The following GLI3 variants were observed in gnomAD, a reference collection of about 807,000 sequenced individuals.
GLI3 encodes transcription activator GLI3.
A neutral mutation model predicts 100.8 loss-of-function variants in GLI3; 20 were observed. The observed-to-expected ratio is 0.20, with a 90% CI of 0.14 to 0.29. The LOEUF is 0.29. Among genes scored for constraint, GLI3 ranks in the 10% least tolerant of loss-of-function variants. GLI3 has a pLI of 1.00. For missense variants in GLI3, 2,040 were observed against 2,128.5 expected (o/e 0.96, Z 0.82); for synonymous variants, 938 against 860.5 (o/e 1.09, Z -1.58).
intron 2 of GLI3, among the ~76,000 whole-genome samples, chr7:42,173,671 C>A (rs1787422535): frequency 6.6e-6 from 1 of 152,128 alleles, no homozygotes; most frequent in Admixed American, 6.5e-5. Context: ...CCTCTCATTC[C>A]CCCAAAGCAG....
At chr7:42,113,908 A>C (rs1032801316) in intron 3 of GLI3, among the ~76,000 whole-genome samples, 4 of 152,124 alleles carry the variant, frequency 2.6e-5, no homozygotes, top group Non-Finnish European at 5.9e-5. Flanking sequence ...TTTGATACAC[A>C]TGTCCACCTT....
chr7:42,139,092 A>C (rs536335632), intron 3 of GLI3, among the ~76,000 whole-genome samples: 1 of 152,270 alleles, frequency 6.6e-6, no homozygotes, highest in Non-Finnish European at 1.5e-5. Context: ...CTCCAACCTC[A>C]GCCTGGCCCT....
At chr7:42,070,759 G>C (rs925512092) in intron 4 of GLI3, among the ~76,000 whole-genome samples, 17 of 151,844 alleles carry the variant, frequency 1.1e-4, no homozygotes, top group African/African-American at 4.1e-4. Context: ...CTTTGATATT[G>C]CTATGGTCTT....
chr7:42,218,653 T>C (rs1300565916), intron 2 of GLI3, among the ~76,000 whole-genome samples: 2 of 152,164 alleles, frequency 1.3e-5, no homozygotes, highest in African/African-American at 2.4e-5. Flanking sequence ...AACCAAATTC[T>C]TGTTTTTGAA....
At chr7:42,141,045 T>A (rs1420300785) in intron 3 of GLI3, among the ~76,000 whole-genome samples, 2 of 152,124 alleles carry the variant, frequency 1.3e-5, no homozygotes, top group Non-Finnish European at 2.9e-5. Context: ...TTACATGGAA[T>A]CTTTAAGCAA....
chr7:41,993,607 T>C (rs1353276928), intron 10 of GLI3, among the ~76,000 whole-genome samples: 5 of 152,348 alleles, frequency 3.3e-5, no homozygotes, highest in South Asian at 4.1e-4. Flanking sequence ...ATCAGTTTTG[T>C]TCAATGATAT....
chr7:42,182,664 A>ACATGTGTGTG lies in GLI3; in HGVS notation c.125-34197_125-34196insCACACACATG, dbSNP rs1554337046. ...TGTGTGTATATATATATATATATAT[A>ACATGTGTGTG]TATATATATATATATATACACATGT... On this transcript the variant is annotated intron_variant, in intron 2 of 14. Transcript: ENST00000395925. Among the ~76,000 whole-genome samples the ACATGTGTGTG allele has an allele frequency of 2.4e-3, 186 of 78,318 alleles. 11 individuals are homozygous for ACATGTGTGTG. The highest frequency in any genetic ancestry group is 0.012 in the African/African-American group (186 of 15,590). The allele number at this position is 78,318 out of a possible 152,430, so 51.4% of individuals were successfully genotyped here.
chr7:42,246,406 C>T (rs1788972040), intron 1 of GLI3, among the ~76,000 whole-genome samples: 1 of 152,156 alleles, frequency 6.6e-6, no homozygotes, highest in Non-Finnish European at 1.5e-5. Flanking sequence ...TCCCAACATA[C>T]TCTGTATGCA....
At chr7:42,025,204 A>C (rs774808920) in intron 9 of GLI3, 60 bp downstream of exon 9, 3 of 1,111,692 alleles carry the variant, frequency 2.7e-6, no homozygotes, top group Admixed American at 3.4e-5. Context: ...GCGGGAGCTG[A>C]CCCAAAGACA....
At chr7:42,229,093 T>A (rs1788641864) in intron 1 of GLI3, among the ~76,000 whole-genome samples, 1 of 152,200 alleles carries the variant, frequency 6.6e-6, no homozygotes, top group South Asian at 2.1e-4. Flanking sequence ...AAAATGATGT[T>A]TGAAGTGAAT....
intron 4 of GLI3, among the ~76,000 whole-genome samples, chr7:42,053,654 G>A (rs547160556): frequency 6.4e-4 from 98 of 152,290 alleles, no homozygotes; most frequent in African/African-American, 2.2e-3. Context: ...GAGGATCACC[G>A]CTTTCGGTCT....
chr7:42,105,922 A>G, intron 3 of GLI3, among the ~76,000 whole-genome samples: 1 of 152,154 alleles, frequency 6.6e-6, no homozygotes, highest in East Asian at 1.9e-4. Flanking sequence ...CCGCTTATCC[A>G]AGGGGCCCAG....
chr7:41,999,928 A>C (rs1214099580), intron 10 of GLI3, among the ~76,000 whole-genome samples: 1 of 152,118 alleles, frequency 6.6e-6, no homozygotes, highest in Non-Finnish European at 1.5e-5. Context: ...ACTGAAAGCC[A>C]CACATCCAGA....
At chr7:42,077,329 G>A (rs1342982733) in intron 3 of GLI3, among the ~76,000 whole-genome samples, 1 of 151,236 alleles carries the variant, frequency 6.6e-6, no homozygotes, top group Non-Finnish European at 1.5e-5. Context: ...TGAAAGGCTT[G>A]CTAGAATCTG....
intron 3 of GLI3, among the ~76,000 whole-genome samples, chr7:42,119,188 G>T (rs1447280627): frequency 6.6e-6 from 1 of 152,196 alleles, no homozygotes; most frequent in Non-Finnish European, 1.5e-5. Context: ...TAGAAAAAGG[G>T]ATCTTGTCAA....
At chr7:41,988,402 G>A (rs1787888644) in intron 10 of GLI3, among the ~76,000 whole-genome samples, 1 of 139,282 alleles carries the variant, frequency 7.2e-6, no homozygotes, top group African/African-American at 2.7e-5. Context: ...GGAGGAGGTT[G>A]CAGTGAGCCA....
At chr7:42,153,569 G>T (rs1221899918) in intron 2 of GLI3, among the ~76,000 whole-genome samples, 4 of 148,328 alleles carry the variant, frequency 2.7e-5, no homozygotes, top group Middle Eastern at 6.9e-3. Flanking sequence ...GCAGGGAGGA[G>T]GCAACAAAAT....
At chr7:42,144,828 G>A (rs1786662937) in intron 3 of GLI3, among the ~76,000 whole-genome samples, 1 of 152,182 alleles carries the variant, frequency 6.6e-6, no homozygotes, top group African/African-American at 2.4e-5. Flanking sequence ...ATTGCTGTGA[G>A]TGTTCACATG....
intron 2 of GLI3, among the ~76,000 whole-genome samples, chr7:42,153,978 T>C (rs1459737681): frequency 6.6e-6 from 1 of 152,078 alleles, no homozygotes; most frequent in Non-Finnish European, 1.5e-5. Context: ...TATGCTTTAC[T>C]GAATCCACAC....
Sources: gnomAD v4.1 joint callset for allele counts (sites outside exome capture counted in the v4.1 genomes callset) on GRCh38, gnomAD v4.1.1 for gene constraint, MANE v1.5 for transcripts, NCBI Gene and HGNC (gene_info 2026-07-23, HGNC 2026-07-21) for gene names.